TFAP2E: variants seen among roughly 807,000 people sequenced by gnomAD.
The protein encoded by TFAP2E is transcription factor AP-2 epsilon, also known as transcription factor AP-2-epsilon.
Under a neutral mutation model 37.9 loss-of-function variants are expected in TFAP2E, and 30 were observed. The observed-to-expected ratio is 0.79, with a 90% confidence interval of 0.59 to 1.07. The LOEUF is 1.07. Among genes scored for constraint, TFAP2E ranks in the 50% least tolerant of loss-of-function variants. The pLI is 0.00. For missense variants in TFAP2E, 567 were observed against 637.9 expected, an observed-to-expected ratio of 0.89 and a Z score of 1.20; for synonymous variants, 318 against 295.8, an observed-to-expected ratio of 1.08 and a Z score of -0.77.
chr1:35,580,348 C>G (rs1312927579), intron 3 of TFAP2E, among the ~76,000 whole-genome samples: 1 of 152,182 alleles, frequency 6.6e-6, no homozygotes, highest in African/African-American at 2.4e-5. Flanking sequence ...GGGAGCAGGT[C>G]ACTACTCCTC....
At chr1:35,582,461 T>C (rs1649375903) in intron 3 of TFAP2E, among the ~76,000 whole-genome samples, 1 of 151,866 alleles carries the variant, frequency 6.6e-6, no homozygotes, top group Admixed American at 6.6e-5. Flanking sequence ...TCGTTTTCTT[T>C]TCTATTTTTA....
In TFAP2E at chr1:35,590,629, C is replaced by G. The variant is rs766927788; in HGVS notation, c.905-5C>G. The G allele has an allele frequency of 6.7e-6, 10 of 1,484,208 alleles. No individual in the cohort carries two copies. Among genetic ancestry groups the G allele is most frequent in the East Asian group, 2.4e-5 (1 of 41,720 alleles). The allele number at this position is 1,484,208 out of a possible 1,614,324, so 91.9% of individuals were successfully genotyped here. On this transcript the variant is annotated splice_polypyrimidine_tract_variant and splice_region_variant and intron_variant, in intron 5 of 6. Transcript: ENST00000373235. This position sits in a 1 kb window ranked among gnomAD's most constrained non-coding sequence, Gnocchi z 6.2. ...CTGCAGTAGTGACAGCTCCCCTCCC[C>G]CCAGGAGAGGCCGTGCACCTGGCCC...
chr1:35,581,272 G>A (rs990033002), intron 3 of TFAP2E, among the ~76,000 whole-genome samples: 1 of 152,158 alleles, frequency 6.6e-6, no homozygotes, highest in African/African-American at 2.4e-5. Context: ...CCATTGTACG[G>A]GTGTAACATA....
Position 35,590,200 on chromosome 1 carries a change from T to C in TFAP2E, c.904+152T>C. Reference sequence around the variant, plus strand: ...CTGTGTGCGTATTCTCTGTCATGTATAAGGTGTGTTTGTGATTTCTGTGTG... The same window carrying C: ...CTGTGTGCGTATTCTCTGTCATGTACAAGGTGTGTTTGTGATTTCTGTGTG... On this transcript the variant is annotated intron_variant, in intron 5 of 6. Transcript: ENST00000373235. This position sits in a 1 kb window ranked among gnomAD's most constrained non-coding sequence, Gnocchi z 6.2. The C allele has an allele frequency of 2.6e-6, 2 of 762,388 alleles. No individual in the cohort carries two copies. The highest frequency in any genetic ancestry group is 4.4e-6 in the Non-Finnish European group (2 of 450,292). 47.2% of individuals were successfully genotyped at this position (762,388 alleles called of 1,614,324 possible).
rs1008482436 is a variant in TFAP2E, at chr1:35,577,167, G to C, written c.562+2167G>C. Among the ~76,000 whole-genome samples the C allele has an allele frequency of 1.3e-5, 2 of 152,256 alleles. No individual in the cohort carries two copies. The highest frequency in any genetic ancestry group is 4.8e-5 in the African/African-American group (2 of 41,472). On this transcript the variant is annotated intron_variant, in intron 3 of 6. Transcript: ENST00000373235. The surrounding 1 kb of genome is among the most constrained non-coding windows in gnomAD (Gnocchi z 6.3). The stretch of plus-strand genomic sequence containing the variant: ...GCGCAGCAGCAGCAAAGGGGAAGGG[G>C]CAGGAGCCGGGCACAGTTGGATCCG...
intron 3 of TFAP2E, among the ~76,000 whole-genome samples, chr1:35,583,147 C>T (rs1190591974): frequency 1.3e-5 from 2 of 152,070 alleles, no homozygotes; most frequent in African/African-American, 2.4e-5. Context: ...GTGATCTGCC[C>T]GCTTCAGCCT....
intron 3 of TFAP2E, among the ~76,000 whole-genome samples, chr1:35,578,122 G>A (rs185983054): frequency 6.6e-6 from 1 of 152,332 alleles, no homozygotes; most frequent in Admixed American, 6.5e-5. Context: ...GAGGTGCTTA[G>A]TGGGTGTTTG....
intron 6 of TFAP2E, among the ~76,000 whole-genome samples, chr1:35,592,116 C>T (rs1649704666): frequency 6.6e-6 from 1 of 152,030 alleles, no homozygotes; most frequent in African/African-American, 2.4e-5. Context: ...TGGTGAAACC[C>T]GGTCTCTAGT....
chr1:35,582,108 G>A (rs1455589268), intron 3 of TFAP2E, among the ~76,000 whole-genome samples: 1 of 151,326 alleles, frequency 6.6e-6, no homozygotes, highest in Admixed American at 6.6e-5. Context: ...TCGAACTCCT[G>A]ATCTCATGAT....
chr1:35,580,854 G>A (rs1226673616), intron 3 of TFAP2E, among the ~76,000 whole-genome samples: 2 of 151,918 alleles, frequency 1.3e-5, no homozygotes, highest in African/African-American at 4.8e-5. Context: ...CCTGGAACTT[G>A]CATTTTTTAA....
chr1:35,577,424 A>T lies in TFAP2E; in HGVS notation c.562+2424A>T. 2.2e-6 allele frequency: 1 copy of T among 456,638 alleles called. No individual in the cohort carries two copies. Among genetic ancestry groups the T allele is most frequent in the Non-Finnish European group, 4.4e-6 (1 of 226,940 alleles). 28.3% of individuals were successfully genotyped at this position (456,638 alleles called of 1,614,324 possible). On this transcript the variant is annotated intron_variant, in intron 3 of 6. Transcript: ENST00000373235. This position sits in a 1 kb window ranked among gnomAD's most constrained non-coding sequence, Gnocchi z 6.3. ...CTCGGCCCTTCCGACGGCACGAGGA[A>T]CTCCTGTCCTGCCCCACAGACCTTC... is the stretch of plus-strand genomic sequence containing the variant.
intron 3 of TFAP2E, among the ~76,000 whole-genome samples, chr1:35,581,576 C>CTT (rs34241641): frequency 9.2e-5 from 13 of 141,972 alleles, no homozygotes; most frequent in African/African-American, 1.3e-4. Flanking sequence ...TCTTTTTTTT[C>CTT]TTTTTTTTTT....
chr1:35,588,514 G>A lies in TFAP2E; in HGVS notation c.747G>A (p.Glu249=). 2 of 1,603,490 alleles carry A rather than the reference G, an allele frequency of 1.2e-6. No homozygotes were observed. The highest frequency in any genetic ancestry group is 1.7e-6 in the Non-Finnish European group (2 of 1,175,314). Residue 249 remains glutamate (E), a synonymous_variant, in exon 4 of 7, where the codon GAG becomes GAA. Transcript: ENST00000373235. This position sits in a 1 kb window ranked among gnomAD's most constrained non-coding sequence, Gnocchi z 5.1. ...TGCAGCGGCGACTCTCGCCTCCCGAGTGCCTCAACGCCTCCCTCCTGGGGG... is the reference window on the plus strand; with the variant it reads ...TGCAGCGGCGACTCTCGCCTCCCGAATGCCTCAACGCCTCCCTCCTGGGGG... ...GEVQRRLSPP[E]CLNASLLGGV... is the part of the protein sequence containing the mutation.
chr1:35,592,095 C>T (rs1557439624), intron 6 of TFAP2E, among the ~76,000 whole-genome samples: 1 of 152,044 alleles, frequency 6.6e-6, no homozygotes, highest in Non-Finnish European at 1.5e-5. Flanking sequence ...TGGAGACTAG[C>T]CTGGGCAACA....
chr1:35,574,906 T>C (rs755591731), intron 2 of TFAP2E, 43 bp from the exon 3 acceptor site: 11 of 1,612,884 alleles, frequency 6.8e-6, no homozygotes, highest in Non-Finnish European at 6.8e-6. Flanking sequence ...CATGGGCGGC[T>C]AGGGCTTTAT....
intron 6 of TFAP2E, among the ~76,000 whole-genome samples, chr1:35,593,513 C>G (rs1649745187): frequency 6.6e-6 from 1 of 152,190 alleles, no homozygotes; most frequent in South Asian, 2.1e-4. Flanking sequence ...ACTGACAACT[C>G]CACCCTCCTG....
At chr1:35,580,393 C>A (rs1557434494) in intron 3 of TFAP2E, among the ~76,000 whole-genome samples, 1 of 152,142 alleles carries the variant, frequency 6.6e-6, no homozygotes, top group Non-Finnish European at 1.5e-5. Context: ...CCCCTTCAAG[C>A]TTTGGACCAG....
Position 35,574,928 on chromosome 1 carries a change from G to T in TFAP2E, c.511-21G>T, listed in dbSNP as rs559509002. Reference sequence around the variant, plus strand: ...GGCTAGGGCTTTATGCGCCCTCACCGCTGCCCTCTGCTATTTGCAGGCAAT... The same window carrying T: ...GGCTAGGGCTTTATGCGCCCTCACCTCTGCCCTCTGCTATTTGCAGGCAAT... On this transcript the variant is annotated intron_variant, in intron 2 of 6. Coordinates refer to ENST00000373235, the MANE Select transcript of TFAP2E (RefSeq NM_178548.4). 4.8e-5 allele frequency: 77 copies of T among 1,613,722 alleles called. No individual in the cohort carries two copies. The South Asian group carries it at 7.9e-4, about 17-fold the overall frequency.
chr1:35,577,434 T>C lies in TFAP2E; in HGVS notation c.562+2434T>C. The C allele has an allele frequency of 2.2e-6, 1 of 456,784 alleles. No homozygotes were observed. Among genetic ancestry groups the C allele is most frequent in the Non-Finnish European group, 4.4e-6 (1 of 226,978 alleles). The allele number at this position is 456,784 out of a possible 1,614,324, so 28.3% of individuals were successfully genotyped here. Reference sequence around the variant, plus strand: ...CCGACGGCACGAGGAACTCCTGTCCTGCCCCACAGACCTTCGGCCTCCGCC... The same window carrying C: ...CCGACGGCACGAGGAACTCCTGTCCCGCCCCACAGACCTTCGGCCTCCGCC... On this transcript the variant is annotated intron_variant, in intron 3 of 6. Coordinates refer to ENST00000373235, the MANE Select transcript of TFAP2E (RefSeq NM_178548.4). The surrounding 1 kb of genome is among the most constrained non-coding windows in gnomAD (Gnocchi z 6.3).
Sources: allele counts gnomAD v4.1 joint callset (sites outside exome capture counted in the v4.1 genomes callset), GRCh38; gene constraint gnomAD v4.1.1; non-coding constraint Gnocchi (gnomAD v3.1); transcripts MANE v1.5; gene names NCBI Gene and HGNC (gene_info 2026-07-23, HGNC 2026-07-21).